PPP1R12B: variants seen among roughly 807,000 people sequenced by gnomAD.
The protein encoded by PPP1R12B is protein phosphatase 1 regulatory subunit 12B, also known as myosin phosphatase target subunit 2.
PPP1R12B carries 76 observed loss-of-function variants against 126.1 expected under a neutral mutation model. That is an observed-to-expected ratio of 0.60 (90% CI 0.50 to 0.73). The LOEUF is 0.73. Among genes scored for constraint, PPP1R12B ranks in the 30% least tolerant of loss-of-function variants. PPP1R12B has a pLI of 0.00. For missense variants in PPP1R12B, 1,052 were observed against 1,205.1 expected (o/e 0.87, Z 1.88); for synonymous variants, 356 against 434.7 (o/e 0.82, Z 2.25).
In PPP1R12B at chr1:202,408,786, C is replaced by G. The variant is rs991637549; in HGVS notation, c.292-8001C>G. On this transcript the variant is annotated intron_variant, in intron 1 of 23. Coordinates refer to ENST00000608999, the MANE Select transcript of PPP1R12B (RefSeq NM_002481.4). ...CTATTGTGCATAAGGCTGCTGTGAA[C>G]ATGGGTGTACACATATCTCTTTGAG... 1.9e-4 allele frequency among the ~76,000 whole-genome samples: 29 copies of G among 151,454 alleles called. 1 individual carries two copies. Among genetic ancestry groups the G allele is most frequent in the Admixed American group, 1.4e-3 (22 of 15,214 alleles).
intron 13 of PPP1R12B, among the ~76,000 whole-genome samples, chr1:202,462,388 A>G (rs1434745197): frequency 1.3e-5 from 2 of 152,142 alleles, no homozygotes; most frequent in African/African-American, 2.4e-5. Flanking sequence ...GGCATTTGTC[A>G]TGCGTTTCTC....
At chr1:202,401,282 T>C (rs1180154970) in intron 1 of PPP1R12B, among the ~76,000 whole-genome samples, 3 of 151,340 alleles carry the variant, frequency 2.0e-5, no homozygotes, top group East Asian at 3.9e-4. Context: ...TTTGACCTCC[T>C]GGGTTTAAGC....
intron 2 of PPP1R12B, among the ~76,000 whole-genome samples, chr1:202,421,570 G>A (rs1419130756): frequency 6.6e-6 from 1 of 151,282 alleles, no homozygotes; most frequent in Non-Finnish European, 1.5e-5. Flanking sequence ...AACCTGGAAC[G>A]TGGAGGTTGC....
At chr1:202,434,551 C>G in intron 8 of PPP1R12B, 105 bp from the exon 9 acceptor site, 15 of 1,403,642 alleles carry the variant, frequency 1.1e-5, no homozygotes, top group Non-Finnish European at 1.4e-5. Flanking sequence ...CCTTAATAAT[C>G]TGTTTTGATA....
intron 23 of PPP1R12B, chr1:202,575,298 G>A: frequency 9.2e-7 from 1 of 1,089,824 alleles, no homozygotes; most frequent in Non-Finnish European, 1.3e-6. Context: ...AGCCAGGACT[G>A]AGATCATAGA....
At chr1:202,353,358 A>G (rs1656382854) in intron 1 of PPP1R12B, among the ~76,000 whole-genome samples, 2 of 152,166 alleles carry the variant, frequency 1.3e-5, no homozygotes, top group South Asian at 4.1e-4. Context: ...TAGGATTCAG[A>G]AAAATCCTGT....
chr1:202,380,126 TCTTTGCTTAACTGCTCCTGCTCCC>T (rs138287663), intron 1 of PPP1R12B, among the ~76,000 whole-genome samples: 6,150 of 152,258 alleles, frequency 0.04, 341 homozygotes, highest in African/African-American at 0.12. Flanking sequence ...CATACCGTTC[TCTTTGCTTAACTGCTCCTGCTCCC>T]CTTCTATGCC....
intron 1 of PPP1R12B, among the ~76,000 whole-genome samples, chr1:202,373,608 A>G (rs1174201612): frequency 6.6e-6 from 1 of 151,680 alleles, no homozygotes; most frequent in African/African-American, 2.4e-5. Context: ...TCAGGTCTTC[A>G]TTTTTAACCA....
intron 1 of PPP1R12B, among the ~76,000 whole-genome samples, chr1:202,389,496 T>C (rs1483644122): frequency 6.7e-6 from 1 of 149,746 alleles, no homozygotes; most frequent in Admixed American, 6.7e-5. Context: ...TACAAAAAAT[T>C]AGCCGGGTGT....
At chr1:202,394,380 G>A (rs1664612637) in intron 1 of PPP1R12B, among the ~76,000 whole-genome samples, 1 of 152,076 alleles carries the variant, frequency 6.6e-6, no homozygotes, top group African/African-American at 2.4e-5. Flanking sequence ...CAGTATTTTA[G>A]CAGGATATAT....
At chr1:202,482,110 G>T (rs765119809) in intron 13 of PPP1R12B, among the ~76,000 whole-genome samples, 4 of 151,542 alleles carry the variant, frequency 2.6e-5, no homozygotes, top group Non-Finnish European at 5.9e-5. Context: ...GTTCCATTCT[G>T]GATATACACA....
At chr1:202,543,630 G>T (rs1189717887) in intron 18 of PPP1R12B, among the ~76,000 whole-genome samples, 1 of 152,012 alleles carries the variant, frequency 6.6e-6, no homozygotes, top group Non-Finnish European at 1.5e-5. Flanking sequence ...TAAGCTTTTC[G>T]GGAGGCTGAA....
rs1004686952 is a variant in PPP1R12B at position 202,455,373 on chromosome 1, A to G, written c.1850+6202A>G. Among the ~76,000 whole-genome samples, 23 of 151,990 alleles carry G rather than the reference A, an allele frequency of 1.5e-4. 2 individuals carry two copies. ...CTGTACCCTGTAGCTATCCCCCACAATCTCCTTATTCCCCCTAGGCCTAAG... is the reference window on the plus strand; with the variant it reads ...CTGTACCCTGTAGCTATCCCCCACAGTCTCCTTATTCCCCCTAGGCCTAAG... On this transcript the variant is annotated intron_variant, in intron 13 of 23. Coordinates refer to ENST00000608999, the MANE Select transcript of PPP1R12B (RefSeq NM_002481.4).
intron 21 of PPP1R12B, among the ~76,000 whole-genome samples, 154 bp downstream of exon 21, chr1:202,564,701 T>C (rs1212561486): frequency 6.6e-6 from 1 of 152,218 alleles, no homozygotes; most frequent in Admixed American, 6.5e-5. Flanking sequence ...TAATTTATTT[T>C]AGGTTTCAAT....
chr1:202,515,915 T>A (rs1011379841), intron 18 of PPP1R12B, among the ~76,000 whole-genome samples: 8 of 152,140 alleles, frequency 5.3e-5, no homozygotes, highest in Non-Finnish European at 1.0e-4. Context: ...CTGAACCAAT[T>A]TCTATAGCCA....
At chr1:202,477,253 C>T (rs961303642) in intron 13 of PPP1R12B, among the ~76,000 whole-genome samples, 3 of 152,108 alleles carry the variant, frequency 2.0e-5, no homozygotes, top group Admixed American at 1.3e-4. Context: ...ATTCTAAGTG[C>T]CTTACATGGG....
intron 1 of PPP1R12B, among the ~76,000 whole-genome samples, chr1:202,349,977 C>G (rs1477223139): frequency 6.6e-6 from 1 of 152,146 alleles, no homozygotes; most frequent in African/African-American, 2.4e-5. Flanking sequence ...GACTAACTAC[C>G]CCTCTCTCCT....
intron 1 of PPP1R12B, among the ~76,000 whole-genome samples, chr1:202,366,299 ACTTGAGGTCAGGAGTCCGAGACCAG>A (rs921729990): frequency 1.3e-5 from 2 of 152,084 alleles, no homozygotes; most frequent in Admixed American, 6.6e-5. Flanking sequence ...CGGGCAGATC[ACTTGAGGTCAGGAGTCCGAGACCAG>A]CTTGGCCAAC....
intron 13 of PPP1R12B, among the ~76,000 whole-genome samples, chr1:202,478,454 GA>G (rs1676951617): frequency 6.6e-6 from 1 of 152,144 alleles, no homozygotes; most frequent in African/African-American, 2.4e-5. Context: ...AAAAATGAAT[GA>G]AAATGTTCCT....
Sources: allele counts gnomAD v4.1 joint callset (sites outside exome capture counted in the v4.1 genomes callset), GRCh38; gene constraint gnomAD v4.1.1; transcripts MANE v1.5; gene names NCBI Gene and HGNC (gene_info 2026-07-23, HGNC 2026-07-21).